AUTS2: variants seen among roughly 807,000 people sequenced by gnomAD.
AUTS2 encodes the protein autism susceptibility gene 2 protein.
A neutral mutation model predicts 112.4 loss-of-function variants in AUTS2; 17 were observed. That is an observed-to-expected ratio of 0.15 (90% CI 0.10 to 0.23). The LOEUF is 0.23. Ranked by LOEUF, AUTS2 falls within the 10% of genes least tolerant of loss-of-function variation. AUTS2 has a pLI of 1.00. For synonymous variants in AUTS2, 751 were observed against 702.7 expected (o/e 1.07, Z -1.09); for missense variants, 1,510 against 1,701.6 (o/e 0.89, Z 1.98).
intron 5 of AUTS2, among the ~76,000 whole-genome samples, chr7:70,676,922 T>G (rs772477350): frequency 3.3e-5 from 5 of 152,188 alleles, no homozygotes; most frequent in African/African-American, 4.8e-5. Flanking sequence ...TCCTTCTCTG[T>G]TACACTCTTC....
chr7:70,025,777 C>CTTTT (rs34107096), intron 2 of AUTS2, among the ~76,000 whole-genome samples: 1,661 of 126,568 alleles, frequency 0.013, 17 homozygotes, highest in South Asian at 0.025. Flanking sequence ...TTTTACTAAG[C>CTTTT]TTTTTTTTTT....
intron 4 of AUTS2, among the ~76,000 whole-genome samples, chr7:70,237,042 A>G (rs1484503346): frequency 6.6e-6 from 1 of 152,204 alleles, no homozygotes; most frequent in African/African-American, 2.4e-5. Flanking sequence ...CACACTCATC[A>G]GATCCAGCCC....
At chr7:69,937,607 C>T (rs1396982372) in intron 2 of AUTS2, among the ~76,000 whole-genome samples, 5 of 152,144 alleles carry the variant, frequency 3.3e-5, no homozygotes, top group Non-Finnish European at 7.4e-5. Flanking sequence ...TGAGTATGGA[C>T]CTCTTCCACA....
chr7:70,563,435 A>G (rs950066093), intron 5 of AUTS2, among the ~76,000 whole-genome samples: 8 of 152,228 alleles, frequency 5.3e-5, no homozygotes, highest in African/African-American at 1.9e-4. Context: ...TGTTGAGCTC[A>G]TTTCTGATAG....
chr7:70,555,978 T>A (rs531109068), intron 5 of AUTS2, among the ~76,000 whole-genome samples: 1 of 152,114 alleles, frequency 6.6e-6, no homozygotes, highest in African/African-American at 2.4e-5. Context: ...CTAATTTTTT[T>A]GTATTTTTTA....
intron 2 of AUTS2, among the ~76,000 whole-genome samples, chr7:70,031,673 G>A (rs1800786560): frequency 6.6e-6 from 1 of 152,028 alleles, no homozygotes; most frequent in East Asian, 1.9e-4. Flanking sequence ...ATTGATCAGG[G>A]GCCCTAGATT....
intron 1 of AUTS2, among the ~76,000 whole-genome samples, chr7:69,781,485 G>A (rs1301291735): frequency 6.6e-6 from 1 of 152,206 alleles, no homozygotes; most frequent in Non-Finnish European, 1.5e-5. Flanking sequence ...ATCACAGCTT[G>A]GCCTCGGCAT....
At chr7:70,226,961 C>T (rs1811797807) in intron 4 of AUTS2, among the ~76,000 whole-genome samples, 1 of 152,070 alleles carries the variant, frequency 6.6e-6, no homozygotes, top group Non-Finnish European at 1.5e-5. Context: ...TCTAAGGAGC[C>T]TTTTAAGTGA....
intron 1 of AUTS2, among the ~76,000 whole-genome samples, chr7:69,698,205 T>A (rs1327306108): frequency 6.6e-6 from 1 of 152,050 alleles, no homozygotes; most frequent in Non-Finnish European, 1.5e-5. Context: ...AAATGTTAGG[T>A]GTGTATATGC....
chr7:69,964,709 G>A (rs1020511730), intron 2 of AUTS2, among the ~76,000 whole-genome samples: 2 of 151,558 alleles, frequency 1.3e-5, no homozygotes, highest in Non-Finnish European at 2.9e-5. Flanking sequence ...GACAAACGGG[G>A]AACGATCACA....
chr7:69,670,555 C>CAAAAAAAAAAA lies in AUTS2; in HGVS notation c.309+70619_309+70629dup, dbSNP rs200373158. On this transcript the variant is annotated intron_variant, in intron 1 of 18. Transcript: ENST00000342771. ...CATGGTTGTTTTTTACTTGATCCCT[C>CAAAAAAAAAAA]AAAAAAAAAAAAAAAAAAAAAAAAA... is the stretch of plus-strand genomic sequence containing the variant. Among the ~76,000 whole-genome samples, 15 of 119,062 alleles carry CAAAAAAAAAAA rather than the reference C, an allele frequency of 1.3e-4. 1 individual carries two copies. The highest frequency in any genetic ancestry group is 4.7e-4 in the African/African-American group (14 of 30,020). The allele number at this position is 119,062 out of a possible 152,430, so 78.1% of individuals were successfully genotyped here.
At chr7:69,941,283 A>G (rs975456932) in intron 2 of AUTS2, among the ~76,000 whole-genome samples, 29 of 152,296 alleles carry the variant, frequency 1.9e-4, no homozygotes, top group African/African-American at 5.8e-4. Context: ...GGAGGGACGG[A>G]TGAATGCCAC....
intron 1 of AUTS2, among the ~76,000 whole-genome samples, chr7:69,649,609 T>C (rs754830267): frequency 6.6e-6 from 1 of 152,056 alleles, no homozygotes; most frequent in Non-Finnish European, 1.5e-5. Context: ...CTCATTCCTA[T>C]GTATCTACAG....
At chr7:70,397,616 CTTTTA>C (rs1417474651) in intron 4 of AUTS2, among the ~76,000 whole-genome samples, 4 of 151,234 alleles carry the variant, frequency 2.6e-5, no homozygotes, top group Middle Eastern at 3.2e-3. Flanking sequence ...TAAATATATT[CTTTTA>C]TTTATTTACA....
intron 2 of AUTS2, among the ~76,000 whole-genome samples, chr7:70,115,655 A>G (rs1805319381): frequency 6.6e-6 from 1 of 152,206 alleles, no homozygotes; most frequent in Non-Finnish European, 1.5e-5. Context: ...TTTCATCCAT[A>G]CCTTGGAGGT....
chr7:69,810,140 C>T (rs1790484796), intron 1 of AUTS2, among the ~76,000 whole-genome samples: 1 of 152,172 alleles, frequency 6.6e-6, no homozygotes, highest in African/African-American at 2.4e-5. Flanking sequence ...CTCCTCGTGC[C>T]TCCCACCATG....
intron 1 of AUTS2, among the ~76,000 whole-genome samples, chr7:69,793,900 C>T (rs748314573): frequency 9.9e-5 from 15 of 152,094 alleles, no homozygotes; most frequent in Non-Finnish European, 1.8e-4. Context: ...GAAAGGTATT[C>T]CAAGCTTGAG....
At chr7:69,903,924 C>G (rs943367021) in intron 2 of AUTS2, among the ~76,000 whole-genome samples, 1 of 152,186 alleles carries the variant, frequency 6.6e-6, no homozygotes, top group Non-Finnish European at 1.5e-5. Context: ...TTGCTCTTCT[C>G]TCTCTGAAAA....
chr7:69,825,962 A>C (rs147443349), intron 1 of AUTS2: 8 of 152,182 alleles, frequency 5.3e-5, no homozygotes, highest in African/African-American at 1.9e-4. Context: ...TCCAACTGGA[A>C]ACAGGTTCTC....
Sources: allele counts gnomAD v4.1 joint callset (sites outside exome capture counted in the v4.1 genomes callset), GRCh38; gene constraint gnomAD v4.1.1; transcripts MANE v1.5; gene names NCBI Gene and HGNC (gene_info 2026-07-23, HGNC 2026-07-21).